Variants in AGBL1 observed in about 807,000 individuals in gnomAD.
AGBL1 encodes AGBL carboxypeptidase 1.
A neutral mutation model predicts 118.9 loss-of-function variants in AGBL1; 130 were observed. The observed-to-expected ratio is 1.09, with a 90% CI of 0.95 to 1.26. The LOEUF (loss-of-function observed/expected upper bound fraction) is 1.26, where lower values mean the gene tolerates loss of function less well. Among genes scored for constraint, AGBL1 ranks in the 50% most tolerant of loss-of-function variants. The pLI, the probability that AGBL1 is intolerant of heterozygous loss-of-function variation, is 0.00. For missense variants in AGBL1, 1,584 were observed against 1,298.1 expected, an observed-to-expected ratio of 1.22 and a Z score of -3.38; for synonymous variants, 555 against 478.9, an observed-to-expected ratio of 1.16 and a Z score of -2.08.
At chr15:86,805,346 G>A (rs979310623) in intron 22 of AGBL1, among the ~76,000 whole-genome samples, 1 of 152,018 alleles carries the variant, frequency 6.6e-6, no homozygotes, top group Non-Finnish European at 1.5e-5. Flanking sequence ...GTTCCAGCAC[G>A]CCACAAGACT....
chr15:86,650,599 C>T (rs1567103373), intron 21 of AGBL1, among the ~76,000 whole-genome samples: 1 of 151,948 alleles, frequency 6.6e-6, no homozygotes, highest in Non-Finnish European at 1.5e-5. Flanking sequence ...ATGAGACTCT[C>T]TGAAAATAAG....
At chr15:86,582,989 T>C (rs137970765) in intron 21 of AGBL1, among the ~76,000 whole-genome samples, 3,350 of 152,130 alleles carry the variant, frequency 0.022, 141 homozygotes, top group African/African-American at 0.076. Flanking sequence ...TGTGCACACA[T>C]ACCCTAAAAC....
chr15:86,553,264 T>C (rs1015754029), intron 20 of AGBL1, among the ~76,000 whole-genome samples: 1 of 152,230 alleles, frequency 6.6e-6, no homozygotes, highest in African/African-American at 2.4e-5. Flanking sequence ...TCGCAGTATT[T>C]CTGCTGACTC....
chr15:86,511,588 A>C (rs76592066), intron 18 of AGBL1, among the ~76,000 whole-genome samples: 2,414 of 152,120 alleles, frequency 0.016, 63 homozygotes, highest in African/African-American at 0.055. Flanking sequence ...GTAAATCTCA[A>C]CTTTCTCATG....
intron 18 of AGBL1, among the ~76,000 whole-genome samples, chr15:86,476,617 C>A (rs555324624): frequency 2.6e-5 from 4 of 152,118 alleles, no homozygotes; most frequent in Non-Finnish European, 4.4e-5. Flanking sequence ...CTTAGACTCC[C>A]ACACAATAAT....
At chr15:86,447,289 A>G (rs2082132782) in intron 18 of AGBL1, among the ~76,000 whole-genome samples, 1 of 152,196 alleles carries the variant, frequency 6.6e-6, no homozygotes. Context: ...GCTACTGCAA[A>G]TGACTCTTTT....
At chr15:86,800,439 C>T (rs2078634273) in intron 22 of AGBL1, among the ~76,000 whole-genome samples, 1 of 151,998 alleles carries the variant, frequency 6.6e-6, no homozygotes, top group African/African-American at 2.4e-5. Flanking sequence ...CCAGAATTTC[C>T]TTTAAAGAGA....
At chr15:86,614,015 C>T (rs776851999) in intron 21 of AGBL1, among the ~76,000 whole-genome samples, 7 of 152,082 alleles carry the variant, frequency 4.6e-5, no homozygotes, top group Admixed American at 2.0e-4. Context: ...AAACTTATCC[C>T]GCTGAGTTGT....
Position 86,196,906 on chromosome 15 carries a change from C to CAT in AGBL1, c.489-28007_489-28006insTA, listed in dbSNP as rs1555446510. Among the ~76,000 whole-genome samples, 505 of 151,648 alleles carry CAT rather than the reference C, an allele frequency of 3.3e-3. 8 individuals carry two copies. Among genetic ancestry groups the CAT allele is most frequent in the African/African-American group, 0.012 (493 of 41,142 alleles). On this transcript the variant is annotated intron_variant, in intron 5 of 22. Coordinates refer to ENST00000614907, the MANE Select transcript of AGBL1 (RefSeq NM_001386094.1). Reference sequence around the variant, plus strand: ...ACACACACACACACACACACACACACACACACACACACACACACACGAAAG... The same window carrying CAT: ...ACACACACACACACACACACACACACATACACACACACACACACACACGAAAG...
intron 18 of AGBL1, among the ~76,000 whole-genome samples, chr15:86,423,053 T>C (rs1248760870): frequency 2.0e-5 from 3 of 151,922 alleles, no homozygotes; most frequent in African/African-American, 4.8e-5. Flanking sequence ...TCTCAAACAA[T>C]AGAAAAAGAG....
At position 86,817,616 on chromosome 15, in the gene AGBL1, GAGAC is replaced by G. The variant is rs1415460853; in HGVS notation, c.3159-89468_3159-89465del. ...CACAGAGGAGAGAGAGAGAGAAAAA[GAGAC>G]AGGCATACACACACACACACACACA... is the stretch of plus-strand genomic sequence containing the variant. On this transcript the variant is annotated intron_variant, in intron 22 of 22. Coordinates refer to ENST00000614907, the MANE Select transcript of AGBL1 (RefSeq NM_001386094.1). 1.5e-3 allele frequency among the ~76,000 whole-genome samples: 228 copies of G among 147,500 alleles called. 3 individuals carry two copies. Among genetic ancestry groups the G allele is most frequent in the African/African-American group, 4.7e-3 (188 of 39,846 alleles).
chr15:86,148,943 A>G (rs1313607333), intron 3 of AGBL1, among the ~76,000 whole-genome samples: 1 of 152,236 alleles, frequency 6.6e-6, no homozygotes, highest in Non-Finnish European at 1.5e-5. Context: ...CAGAAACCCT[A>G]CAAGCCAGAA....
At chr15:86,651,633 C>T (rs569043323) in intron 21 of AGBL1, among the ~76,000 whole-genome samples, 9 of 152,286 alleles carry the variant, frequency 5.9e-5, no homozygotes, top group Admixed American at 6.5e-5. Context: ...CAGTAAATGA[C>T]GGTGTTCCTG....
At chr15:86,328,849 C>T (rs2080227345) in intron 17 of AGBL1, among the ~76,000 whole-genome samples, 1 of 152,178 alleles carries the variant, frequency 6.6e-6, no homozygotes, top group African/African-American at 2.4e-5. Context: ...GGCATTTTCC[C>T]AGATTCAGGA....
intron 22 of AGBL1, among the ~76,000 whole-genome samples, chr15:86,733,229 G>T (rs2077550143): frequency 6.6e-6 from 1 of 152,138 alleles, no homozygotes; most frequent in Admixed American, 6.5e-5. Flanking sequence ...GAGAACTGGG[G>T]ATAAGGGGTG....
intron 13 of AGBL1, among the ~76,000 whole-genome samples, chr15:86,269,530 CTTAACCCAAAAAGTG>C (rs1374558151): frequency 6.6e-6 from 1 of 152,134 alleles, no homozygotes; most frequent in African/African-American, 2.4e-5. Context: ...TTGGAATGTT[CTTAACCCAAAAAGTG>C]TTAAATGCTT....
intron 19 of AGBL1, among the ~76,000 whole-genome samples, chr15:86,543,158 G>C (rs2083528386): frequency 6.7e-6 from 1 of 148,266 alleles, no homozygotes. Context: ...CTCCACATTT[G>C]AATTATTATT....
chr15:86,533,291 A>C lies in AGBL1; in HGVS notation c.2685+10352A>C, dbSNP rs959204769. Among the ~76,000 whole-genome samples the C allele has an allele frequency of 3.2e-4, 42 of 129,348 alleles. 3 individuals are homozygous for C. Among genetic ancestry groups the C allele is most frequent in the Non-Finnish European group, 4.2e-4 (26 of 62,232 alleles). The allele number at this position is 129,348 out of a possible 152,430, so 84.9% of individuals were successfully genotyped here. On this transcript the variant is annotated intron_variant, in intron 19 of 22. Transcript: ENST00000614907. ...AAAAAAACAAACAACCCAGTCAAAA[A>C]GTGGGCGAAGGACATGAGCAGACAC...
chr15:86,388,000 T>C (rs1283683632), intron 17 of AGBL1, among the ~76,000 whole-genome samples: 1 of 152,068 alleles, frequency 6.6e-6, no homozygotes, highest in Non-Finnish European at 1.5e-5. Context: ...GGAAGGCGGG[T>C]AGGGCTGAAG....
Sources: gnomAD v4.1 joint callset for allele counts (sites outside exome capture counted in the v4.1 genomes callset) on GRCh38, gnomAD v4.1.1 for gene constraint, MANE v1.5 for transcripts, NCBI Gene and HGNC (gene_info 2026-07-23, HGNC 2026-07-21) for gene names.